The following TRAPPC3 variants were observed in gnomAD, a reference collection of about 807,000 sequenced individuals.
The protein encoded by TRAPPC3 is trafficking protein particle complex 3.
Under a neutral mutation model 18.2 loss-of-function variants are expected in TRAPPC3, and 5 were observed. The observed-to-expected ratio is 0.28, with a 90% CI of 0.14 to 0.58. The LOEUF is 0.58. Ranked by LOEUF, TRAPPC3 falls within the 20% of genes least tolerant of loss-of-function variation. The probability of loss-of-function intolerance (pLI) is 0.91; values close to 1 mark genes in which losing one functional copy is unlikely to be tolerated. For missense variants in TRAPPC3, 176 were observed against 225.9 expected (o/e 0.78, Z 1.41); for synonymous variants, 65 against 84.2 (o/e 0.77, Z 1.25).
At chr1:36,138,918 C>G (rs1245348681) in intron 3 of TRAPPC3, among the ~76,000 whole-genome samples, 1 of 151,434 alleles carries the variant, frequency 6.6e-6, no homozygotes, top group East Asian at 2.0e-4. Flanking sequence ...TGCCTGTAAT[C>G]GCAGCTACTC....
intron 1 of TRAPPC3, among the ~76,000 whole-genome samples, chr1:36,143,044 T>C (rs916198658): frequency 6.6e-6 from 1 of 151,902 alleles, no homozygotes; most frequent in African/African-American, 2.4e-5. Flanking sequence ...AAAATACAAA[T>C]AAATATAAAT....
At chr1:36,154,291 C>T (rs1644293720), upstream of TRAPPC3, among the ~76,000 whole-genome samples, 1 of 152,178 alleles carries the variant, frequency 6.6e-6, no homozygotes, top group African/African-American at 2.4e-5. Flanking sequence ...GTGTGAGCCA[C>T]CACAGCCAGC....
At chr1:36,139,872 T>C in intron 2 of TRAPPC3, 53 bp from the exon 3 acceptor site, 1 of 1,605,294 alleles carries the variant, frequency 6.2e-7, no homozygotes. Flanking sequence ...GTCTTATGTT[T>C]GAACATAAGG....
Position 36,140,483 on chromosome 1 carries a change from T to A in TRAPPC3, c.43-317A>T, listed in dbSNP as rs576324441. ...CAAGCCTAAGATCAGGTCACCAGAA[T>A]CTGGTATGGGAGCAACGGTCATTCA... On this transcript the variant is annotated intron_variant, in intron 1 of 4. Transcript: ENST00000373166. 4 of 253,890 alleles carry A rather than the reference T, an allele frequency of 1.6e-5. No individual in the cohort carries two copies. The East Asian group carries it at 2.9e-4, about 19-fold the overall frequency. 15.7% of individuals were successfully genotyped at this position (253,890 alleles called of 1,614,324 possible). A position where few individuals can be genotyped will look rare whatever the true frequency, so the allele number is the denominator to read the frequency against.
At chr1:36,152,642 GA>G (rs1644279902), upstream of TRAPPC3, among the ~76,000 whole-genome samples, 1 of 151,272 alleles carries the variant, frequency 6.6e-6, no homozygotes, top group African/African-American at 2.4e-5. Context: ...TTTTTTTAAA[GA>G]TTTTTTTTAC....
chr1:36,149,272 G>A, intron 1 of TRAPPC3, 65 bp downstream of exon 1: 1 of 1,607,750 alleles, frequency 6.2e-7, no homozygotes, highest in Non-Finnish European at 8.5e-7. Flanking sequence ...CGCGCTCGGC[G>A]CCGGGCCCCT....
At chr1:36,154,165 T>C (rs1388347012), upstream of TRAPPC3, among the ~76,000 whole-genome samples, 1 of 152,118 alleles carries the variant, frequency 6.6e-6, no homozygotes, top group East Asian at 1.9e-4. Flanking sequence ...CCACCACACC[T>C]GGCTAACTTT....
rs930500268 is a variant in TRAPPC3 at position 36,149,481 on chromosome 1, G to A, written c.-103C>T. ...TGCCCCTCAGCCCACAAGACCGACC[G>A]GCACTGACTCACTGCGCCTGCGCGG... On this transcript the variant is annotated 5_prime_UTR_variant, in exon 1 of 5. Coordinates refer to ENST00000373166, the MANE Select transcript of TRAPPC3 (RefSeq NM_014408.5). 3 of 1,460,256 alleles carry A rather than the reference G, an allele frequency of 2.1e-6. No homozygotes were observed. Among genetic ancestry groups the A allele is most frequent in the Non-Finnish European group, 1.9e-6 (2 of 1,068,792 alleles). The allele number at this position is 1,460,256 out of a possible 1,614,324, so 90.5% of individuals were successfully genotyped here. A position where few individuals can be genotyped will look rare whatever the true frequency, so the allele number is the denominator to read the frequency against.
intron 3 of TRAPPC3, 82 bp from the exon 4 acceptor site, chr1:36,138,060 G>C: frequency 1.2e-6 from 2 of 1,604,876 alleles, no homozygotes; most frequent in Non-Finnish European, 1.7e-6. Flanking sequence ...TGGCAAAGGG[G>C]AATTAAGTGG....
rs963800513 is a variant in TRAPPC3 at position 36,144,315 on chromosome 1, G to A, written c.43-4149C>T. Reference sequence around the variant, plus strand: ...AAAAAAAAAAAAAAAAAAAAGGGAGGGCAAGTCATAAAGAAAGAAGATTTT... The same window carrying A: ...AAAAAAAAAAAAAAAAAAAAGGGAGAGCAAGTCATAAAGAAAGAAGATTTT... On this transcript the variant is annotated intron_variant, in intron 1 of 4. Transcript: ENST00000373166. Among the ~76,000 whole-genome samples the A allele has an allele frequency of 4.1e-5, 4 of 96,686 alleles. No individual in the cohort carries two copies. In the Admixed American group the frequency reaches 4.4e-4, roughly 11 times the overall value. 63.4% of individuals were successfully genotyped at this position (96,686 alleles called of 152,430 possible).
intron 1 of TRAPPC3, among the ~76,000 whole-genome samples, chr1:36,143,349 G>GA (rs1644144657): frequency 6.6e-6 from 1 of 152,180 alleles, no homozygotes; most frequent in South Asian, 2.1e-4. Flanking sequence ...AGCTGGTCTA[G>GA]AAAAAATTCT....
At chr1:36,149,266 C>T in intron 1 of TRAPPC3, 71 bp downstream of exon 1, 2 of 1,604,420 alleles carry the variant, frequency 1.2e-6, no homozygotes, top group Admixed American at 1.7e-5. Context: ...GCACCTCGCG[C>T]TCGGCGCCGG....
At chr1:36,138,056 A>G in intron 3 of TRAPPC3, 78 bp from the exon 4 acceptor site, 1 of 1,606,448 alleles carries the variant, frequency 6.2e-7, no homozygotes. Flanking sequence ...GAACTGGCAA[A>G]GGGGAATTAA....
chr1:36,145,754 T>C (rs1285848657), intron 1 of TRAPPC3, among the ~76,000 whole-genome samples: 1 of 152,190 alleles, frequency 6.6e-6, no homozygotes, highest in African/African-American at 2.4e-5. Context: ...CCCTATAATA[T>C]AGGTACTATT....
chr1:36,147,409 G>A (rs1357796307), intron 1 of TRAPPC3, among the ~76,000 whole-genome samples: 1 of 151,816 alleles, frequency 6.6e-6, no homozygotes, highest in African/African-American at 2.4e-5. Context: ...AGAGTTGGAG[G>A]GACTGCTTGA....
At chr1:36,150,757 G>T (rs137854951), upstream of TRAPPC3, among the ~76,000 whole-genome samples, 2,966 of 152,360 alleles carry the variant, frequency 0.019, 46 homozygotes, top group Non-Finnish European at 0.031. Context: ...AGGGGAGGGA[G>T]CCAAGGGCCG....
intron 1 of TRAPPC3, among the ~76,000 whole-genome samples, chr1:36,143,944 C>T (rs1430506464): frequency 6.6e-6 from 1 of 152,142 alleles, no homozygotes; most frequent in Non-Finnish European, 1.5e-5. Flanking sequence ...ACAGCAGGTA[C>T]TCAAGAAATA....
chr1:36,153,208 G>A (rs1387585511), upstream of TRAPPC3, among the ~76,000 whole-genome samples: 1 of 152,138 alleles, frequency 6.6e-6, no homozygotes. Context: ...ATGTCTATTT[G>A]TGGTGCCCCA....
intron 3 of TRAPPC3, chr1:36,138,270 T>C (rs757165890): frequency 2.4e-5 from 37 of 1,537,062 alleles, no homozygotes; most frequent in South Asian, 1.9e-4. Flanking sequence ...TCACTCACTG[T>C]GTGCTTGTAC....
Sources: gnomAD v4.1 joint callset for allele counts (sites outside exome capture counted in the v4.1 genomes callset) on GRCh38, gnomAD v4.1.1 for gene constraint, MANE v1.5 for transcripts, NCBI Gene and HGNC (gene_info 2026-07-23, HGNC 2026-07-21) for gene names.